Variants in LAMA2 observed in about 807,000 individuals in gnomAD.
LAMA2 encodes laminin subunit alpha 2.
In LAMA2, 269 loss-of-function variants were observed where a neutral mutation model predicts 364.8. The ratio of observed to expected loss-of-function variants is 0.74; its 90% confidence interval spans 0.67 to 0.82. The LOEUF (loss-of-function observed/expected upper bound fraction) is 0.82, where lower values mean the gene tolerates loss of function less well. Ranked by LOEUF, LAMA2 falls within the 40% of genes least tolerant of loss-of-function variation. LAMA2 has a pLI of 0.00. For missense variants in LAMA2, 3,807 were observed against 3,873.2 expected, an observed-to-expected ratio of 0.98 and a Z score of 0.45; for synonymous variants, 1,379 against 1,370.6, an observed-to-expected ratio of 1.01 and a Z score of -0.14.
chr6:129,031,709 G>T (rs1786238180), intron 1 of LAMA2, among the ~76,000 whole-genome samples: 1 of 152,102 alleles, frequency 6.6e-6, no homozygotes, highest in African/African-American at 2.4e-5. Flanking sequence ...TGTTATTTTT[G>T]TTGTGTTGTT....
chr6:129,188,552 A>T (rs753190681), intron 10 of LAMA2, among the ~76,000 whole-genome samples: 1 of 151,798 alleles, frequency 6.6e-6, no homozygotes, highest in Non-Finnish European at 1.5e-5. Context: ...TTGCCTTTAT[A>T]CTCTTTTGAA....
At chr6:129,133,594 T>C (rs1180319406) in intron 4 of LAMA2, among the ~76,000 whole-genome samples, 1 of 152,144 alleles carries the variant, frequency 6.6e-6, no homozygotes, top group Non-Finnish European at 1.5e-5. Flanking sequence ...ACACACAATG[T>C]TAAGAACATT....
At chr6:128,971,563 A>G (rs542399960) in intron 1 of LAMA2, among the ~76,000 whole-genome samples, 31 of 152,298 alleles carry the variant, frequency 2.0e-4, no homozygotes, top group Admixed American at 1.6e-3. Context: ...ATTAGAGGGA[A>G]GACACATCTT....
chr6:129,316,693 T>C (rs1774635329), intron 27 of LAMA2, among the ~76,000 whole-genome samples: 1 of 152,208 alleles, frequency 6.6e-6, no homozygotes, highest in South Asian at 2.1e-4. Flanking sequence ...CAAGAATGAA[T>C]GCAATGTTGT....
At chr6:129,033,341 A>G (rs1299415527) in intron 1 of LAMA2, among the ~76,000 whole-genome samples, 1 of 152,144 alleles carries the variant, frequency 6.6e-6, no homozygotes, top group Admixed American at 6.5e-5. Flanking sequence ...TTATCACTAG[A>G]GATAAGAAAT....
chr6:128,960,550 G>C (rs1370540676), intron 1 of LAMA2, among the ~76,000 whole-genome samples: 2 of 151,832 alleles, frequency 1.3e-5, no homozygotes, highest in Non-Finnish European at 2.9e-5. Context: ...AGTAGAGATG[G>C]GGTTTCACCA....
At chr6:129,121,314 T>A (rs1776794162) in intron 4 of LAMA2, among the ~76,000 whole-genome samples, 1 of 152,186 alleles carries the variant, frequency 6.6e-6, no homozygotes, top group African/African-American at 2.4e-5. Context: ...TTAAAAAAAT[T>A]TTTTGAGGTC....
At chr6:129,343,292 A>G (rs1203807173) in intron 30 of LAMA2, among the ~76,000 whole-genome samples, 1 of 152,206 alleles carries the variant, frequency 6.6e-6, no homozygotes, top group Non-Finnish European at 1.5e-5. Context: ...ACAGCCACAG[A>G]GCAATTTGGA....
chr6:128,885,859 A>T (rs1427505258), intron 1 of LAMA2, among the ~76,000 whole-genome samples: 1 of 152,216 alleles, frequency 6.6e-6, no homozygotes, highest in Non-Finnish European at 1.5e-5. Flanking sequence ...CAAGAATGAT[A>T]TTCCAAGGAA....
At chr6:129,389,392 G>C (rs1779196279) in intron 35 of LAMA2, among the ~76,000 whole-genome samples, 1 of 152,158 alleles carries the variant, frequency 6.6e-6, no homozygotes, top group African/African-American at 2.4e-5. Context: ...GGCTGGTTTG[G>C]TGCCTGGTAA....
chr6:129,442,092 C>G (rs952562379), intron 43 of LAMA2: 16 of 609,266 alleles, frequency 2.6e-5, no homozygotes, highest in African/African-American at 2.3e-4. Context: ...TCTTTATATG[C>G]CAACATTTTT....
chr6:128,899,394 C>T (rs1052579299), intron 1 of LAMA2, among the ~76,000 whole-genome samples: 1 of 152,192 alleles, frequency 6.6e-6, no homozygotes, highest in African/African-American at 2.4e-5. Context: ...ATTTAATCAA[C>T]TAGTTCCTTT....
chr6:129,116,183 G>A lies in LAMA2; in HGVS notation c.639+17768G>A, dbSNP rs368972318. Among the ~76,000 whole-genome samples the A allele has an allele frequency of 4.6e-5, 7 of 152,240 alleles. No homozygotes were observed. The East Asian group carries it at 1.2e-3, about 25-fold the overall frequency. On this transcript the variant is annotated intron_variant, in intron 4 of 64. Coordinates refer to ENST00000421865, the MANE Select transcript of LAMA2 (RefSeq NM_000426.4). ...ACAGGCTATGAAGTGTGCTAGTAAA[G>A]TAAATACAATTTTAAGCAAAGTTTC...
chr6:129,060,838 G>T (rs1391460143), intron 3 of LAMA2, among the ~76,000 whole-genome samples: 1 of 152,160 alleles, frequency 6.6e-6, no homozygotes. Context: ...CAGAAAGCTG[G>T]CTGGAGCAAA....
chr6:129,026,326 TTTAA>T (rs1785815772), intron 1 of LAMA2, among the ~76,000 whole-genome samples: 1 of 152,178 alleles, frequency 6.6e-6, no homozygotes, highest in East Asian at 1.9e-4. Context: ...TATGTAACAT[TTTAA>T]TTAAAATAAA....
intron 12 of LAMA2, among the ~76,000 whole-genome samples, chr6:129,201,569 A>G (rs1020065347): frequency 6.6e-6 from 1 of 152,184 alleles, no homozygotes; most frequent in Non-Finnish European, 1.5e-5. Flanking sequence ...TCCAAACTAC[A>G]AGCTACTCTA....
At position 129,408,463 on chromosome 6, in the gene LAMA2, G is replaced by T. The variant is rs569672466; in HGVS notation, c.5865+4504G>T. 1.4e-4 allele frequency among the ~76,000 whole-genome samples: 22 copies of T among 152,314 alleles called. No individual in the cohort carries two copies. In the South Asian group the frequency reaches 4.6e-3, roughly 32 times the overall value. On this transcript the variant is annotated intron_variant, in intron 40 of 64. Coordinates refer to ENST00000421865, the MANE Select transcript of LAMA2 (RefSeq NM_000426.4). The stretch of plus-strand genomic sequence containing the variant: ...GTGCCTTGTTCAGAGGCAATGCTGT[G>T]TGGAATACCATGACAGCGAATAAGG...
At chr6:129,157,459 C>G in intron 8 of LAMA2, 1 of 1,556,508 alleles carries the variant, frequency 6.4e-7, no homozygotes, top group South Asian at 1.1e-5. Context: ...CACTCTAATT[C>G]CACCCATGCC....
intron 48 of LAMA2, among the ~76,000 whole-genome samples, chr6:129,457,585 A>T (rs1222658190): frequency 6.6e-6 from 1 of 152,130 alleles, no homozygotes; most frequent in Non-Finnish European, 1.5e-5. Context: ...ATACAATAAT[A>T]CATTTTTTAA....
Sources: allele counts gnomAD v4.1 joint callset (sites outside exome capture counted in the v4.1 genomes callset), GRCh38; gene constraint gnomAD v4.1.1; transcripts MANE v1.5; gene names NCBI Gene and HGNC (gene_info 2026-07-23, HGNC 2026-07-21).